MYO1D: variants seen among roughly 807,000 people sequenced by gnomAD.
The protein encoded by MYO1D is myosin ID.
A neutral mutation model predicts 122.0 loss-of-function variants in MYO1D; 83 were observed. That is an observed-to-expected ratio of 0.68 (90% CI 0.57 to 0.82). The LOEUF (loss-of-function observed/expected upper bound fraction) is 0.82, where lower values mean the gene tolerates loss of function less well. Ranked by LOEUF, MYO1D falls within the 40% of genes least tolerant of loss-of-function variation. The pLI is 0.00. For synonymous variants in MYO1D, 464 were observed against 446.9 expected (o/e 1.04, Z -0.48); for missense variants, 1,157 against 1,269.5 (o/e 0.91, Z 1.35).
rs536107202 is a variant in MYO1D at position 32,654,019 on chromosome 17, A to G, written c.2491-72T>C. 2.5e-6 allele frequency: 3 copies of G among 1,182,328 alleles called. No individual in the cohort carries two copies. In the African/African-American group the frequency reaches 4.6e-5, roughly 18 times the overall value. The allele number at this position is 1,182,328 out of a possible 1,614,324, so 73.2% of individuals were successfully genotyped here. On this transcript the variant is annotated intron_variant, in intron 18 of 21. Coordinates refer to ENST00000318217, the MANE Select transcript of MYO1D (RefSeq NM_015194.3). ...AGAAGGAAAGGCAATCTTTCAGTGT[A>G]CTGCTTTATAACTACACTTATATAG...
chr17:32,558,279 G>A (rs1219680279), intron 21 of MYO1D, among the ~76,000 whole-genome samples: 4 of 152,186 alleles, frequency 2.6e-5, no homozygotes, highest in Non-Finnish European at 5.9e-5. Flanking sequence ...AGCCAGGCTG[G>A]AGATGGGCAG....
chr17:32,755,126 A>AGG (rs139952001), intron 11 of MYO1D, among the ~76,000 whole-genome samples: 81 of 152,312 alleles, frequency 5.3e-4, no homozygotes, highest in Non-Finnish European at 8.1e-4. Flanking sequence ...GACAAAAGCT[A>AGG]TTTTCCATGC....
At chr17:32,528,500 G>T (rs1338252223) in intron 21 of MYO1D, among the ~76,000 whole-genome samples, 1 of 151,922 alleles carries the variant, frequency 6.6e-6, no homozygotes, top group African/African-American at 2.4e-5. Context: ...TACTGGGAAG[G>T]GTAGTGTGTG....
intron 1 of MYO1D, among the ~76,000 whole-genome samples, chr17:32,843,584 C>G (rs1485234054): frequency 6.6e-6 from 1 of 152,050 alleles, no homozygotes; most frequent in Non-Finnish European, 1.5e-5. Flanking sequence ...CTTTATTTTC[C>G]CCTATCTTAA....
chr17:32,786,949 C>T (rs944513861), intron 1 of MYO1D, among the ~76,000 whole-genome samples: 1 of 151,994 alleles, frequency 6.6e-6, no homozygotes, highest in Non-Finnish European at 1.5e-5. Context: ...GAATACCCCA[C>T]TCCCCCAAAG....
intron 16 of MYO1D, 35 bp downstream of exon 16, chr17:32,711,952 CA>C: frequency 6.6e-7 from 1 of 1,515,404 alleles, no homozygotes; most frequent in South Asian, 1.3e-5. Context: ...AACTTAAAAG[CA>C]AAATCTTATC....
chr17:32,513,833 C>CT (rs543363715), intron 21 of MYO1D, among the ~76,000 whole-genome samples: 2,951 of 142,444 alleles, frequency 0.021, 72 homozygotes, highest in African/African-American at 0.065. Flanking sequence ...TTCTTTCTTT[C>CT]TTTTTTTTTT....
At chr17:32,726,794 T>C (rs1567967896) in intron 14 of MYO1D, among the ~76,000 whole-genome samples, 1 of 151,340 alleles carries the variant, frequency 6.6e-6, no homozygotes, top group Non-Finnish European at 1.5e-5. Flanking sequence ...TGGTATATAA[T>C]TAAAATACAT....
chr17:32,865,273 C>T (rs1032384997), intron 1 of MYO1D, among the ~76,000 whole-genome samples: 12 of 152,268 alleles, frequency 7.9e-5, no homozygotes, highest in Middle Eastern at 3.4e-3. Context: ...TGGGATAACC[C>T]GGCGTTGCTA....
chr17:32,678,540 A>G (rs2088859304), intron 16 of MYO1D, among the ~76,000 whole-genome samples: 1 of 150,572 alleles, frequency 6.6e-6, no homozygotes, highest in African/African-American at 2.5e-5. Context: ...TAGTTTACTG[A>G]GAATGATGAT....
At chr17:32,834,663 C>T (rs1052513860) in intron 1 of MYO1D, among the ~76,000 whole-genome samples, 8 of 152,212 alleles carry the variant, frequency 5.3e-5, no homozygotes, top group Non-Finnish European at 1.0e-4. Context: ...CTACTCCAAT[C>T]TGTCTTACAA....
At chr17:32,593,414 T>C (rs945814113) in intron 21 of MYO1D, among the ~76,000 whole-genome samples, 1 of 152,162 alleles carries the variant, frequency 6.6e-6, no homozygotes, top group African/African-American at 2.4e-5. Context: ...TAAACACAAA[T>C]GACAACTTGG....
chr17:32,853,591 C>T (rs1156815181), intron 1 of MYO1D, among the ~76,000 whole-genome samples: 2 of 152,202 alleles, frequency 1.3e-5, no homozygotes, highest in African/African-American at 4.8e-5. Flanking sequence ...ATTTCCATGT[C>T]TGTCTTTCCC....
rs562711471 is a variant in MYO1D at position 32,640,700 on chromosome 17, C to A, written c.2596-1865G>T. On this transcript the variant is annotated intron_variant, in intron 19 of 21. Transcript: ENST00000318217. ...ATAGTATTCCATGGTGTATATGTGC[C>A]ACATTTTCTTAATCCAGTCTATCAT... Among the ~76,000 whole-genome samples the A allele has an allele frequency of 1.1e-3, 163 of 150,836 alleles. 1 individual carries two copies. The highest frequency in any genetic ancestry group is 3.9e-3 in the African/African-American group (160 of 41,054).
chr17:32,791,963 A>G (rs546351763), intron 1 of MYO1D, among the ~76,000 whole-genome samples: 11 of 151,652 alleles, frequency 7.3e-5, no homozygotes, highest in Non-Finnish European at 1.5e-4. Flanking sequence ...ATGAATGGCA[A>G]TTTTTTTTTC....
intron 19 of MYO1D, among the ~76,000 whole-genome samples, chr17:32,641,186 T>C (rs952930842): frequency 2.7e-5 from 4 of 150,336 alleles, no homozygotes; most frequent in Admixed American, 2.7e-4. Flanking sequence ...ACATGTGGTG[T>C]TTGCTTTTTT....
intron 1 of MYO1D, among the ~76,000 whole-genome samples, chr17:32,822,129 G>T (rs1022295607): frequency 8.1e-6 from 1 of 124,136 alleles, no homozygotes; most frequent in East Asian, 2.7e-4. Context: ...CAACCCAAAT[G>T]TCCAACAATG....
intron 21 of MYO1D, among the ~76,000 whole-genome samples, chr17:32,561,320 TC>T (rs771811965): frequency 2.6e-5 from 4 of 151,850 alleles, no homozygotes; most frequent in Admixed American, 6.6e-5. Context: ...ATTTGTAAGT[TC>T]TTTTTTTGCT....
At chr17:32,521,854 TG>T (rs1233797076) in intron 21 of MYO1D, among the ~76,000 whole-genome samples, 3 of 151,212 alleles carry the variant, frequency 2.0e-5, no homozygotes, top group Admixed American at 2.0e-4. Context: ...GAGGCCGAGG[TG>T]GGGGAATCAT....
Sources: gnomAD v4.1 joint callset for allele counts (sites outside exome capture counted in the v4.1 genomes callset) on GRCh38, gnomAD v4.1.1 for gene constraint, MANE v1.5 for transcripts, NCBI Gene and HGNC (gene_info 2026-07-23, HGNC 2026-07-21) for gene names.